Variants in ANKRD36 observed in about 807,000 individuals in gnomAD.
ANKRD36 encodes the protein ankyrin repeat domain 36.
ANKRD36 carries 179 observed loss-of-function variants against 278.1 expected under a neutral mutation model. That is an observed-to-expected ratio of 0.64 (90% CI 0.57 to 0.73). The LOEUF (loss-of-function observed/expected upper bound fraction) is 0.73, where lower values mean the gene tolerates loss of function less well. ANKRD36 is among the 30% of genes least tolerant of loss of function. The probability of loss-of-function intolerance (pLI) is 0.00; values close to 1 mark genes in which losing one functional copy is unlikely to be tolerated. For synonymous variants in ANKRD36, 320 were observed against 641.1 expected (o/e 0.50, Z 7.57); for missense variants, 1,159 against 1,956.7 (o/e 0.59, Z 7.69).
At chr2:97,206,322 A>C (rs540536782) in intron 52 of ANKRD36, among the ~76,000 whole-genome samples, 187 bp downstream of exon 52, 1 of 151,572 alleles carries the variant, frequency 6.6e-6, no homozygotes, top group East Asian at 2.0e-4. Context: ...CTTCGCTGTA[A>C]GATTATACAC....
intron 67 of ANKRD36, among the ~76,000 whole-genome samples, chr2:97,228,635 C>T (rs566727514): frequency 1.0e-3 from 152 of 151,668 alleles, no homozygotes; most frequent in African/African-American, 3.5e-3. Context: ...TCTCTATTTC[C>T]TTCAGTTCTG....
At chr2:97,200,201 C>T (rs1261956208) in intron 44 of ANKRD36, 133 bp from the exon 45 acceptor site, 18 of 1,547,226 alleles carry the variant, frequency 1.2e-5, no homozygotes, top group Non-Finnish European at 1.6e-5. Flanking sequence ...GATCCCCAGA[C>T]ACAAAGTAGA....
chr2:97,116,798 A>G (rs999570212), intron 1 of ANKRD36, among the ~76,000 whole-genome samples: 2 of 152,122 alleles, frequency 1.3e-5, no homozygotes, highest in African/African-American at 2.4e-5. Flanking sequence ...ATAAGTGATT[A>G]TCACTATTCC....
intron 40 of ANKRD36, 43 bp downstream of exon 40, chr2:97,194,960 A>T (rs1314866937): frequency 2.0e-6 from 3 of 1,537,636 alleles, no homozygotes; most frequent in Non-Finnish European, 2.6e-6. Flanking sequence ...CAGTCCAGAC[A>T]AGAAGTTCTC....
intron 15 of ANKRD36, among the ~76,000 whole-genome samples, chr2:97,155,659 T>C (rs1415010274): frequency 6.8e-6 from 1 of 146,430 alleles, no homozygotes; most frequent in East Asian, 2.0e-4. Flanking sequence ...TCATGGTTTC[T>C]GCGTTGTAAT....
At chr2:97,170,199 A>G (rs200093549) in intron 22 of ANKRD36, among the ~76,000 whole-genome samples, 5 of 146,040 alleles carry the variant, frequency 3.4e-5, no homozygotes, top group Admixed American at 1.4e-4. Flanking sequence ...TTAATAAATG[A>G]TGTTGGGAAA....
chr2:97,229,118 T>A (rs2070998761), intron 67 of ANKRD36, among the ~76,000 whole-genome samples: 1 of 151,636 alleles, frequency 6.6e-6, no homozygotes, highest in African/African-American at 2.4e-5. Flanking sequence ...ATTCTGTTGA[T>A]TTGGGGTGGA....
chr2:97,201,486 G>T (rs1298607257), intron 46 of ANKRD36, among the ~76,000 whole-genome samples: 3 of 152,052 alleles, frequency 2.0e-5, no homozygotes, highest in Non-Finnish European at 2.9e-5. Context: ...GTGGAAATAT[G>T]TCAAAATTGA....
At position 97,128,597 on chromosome 2, in the gene ANKRD36, T is replaced by C. The variant is rs559089554; in HGVS notation, c.799+1463T>C. 6.6e-5 allele frequency among the ~76,000 whole-genome samples: 10 copies of C among 152,164 alleles called. No individual in the cohort carries two copies. The East Asian group carries it at 1.4e-3, about 21-fold the overall frequency. ...GGGGAACAAATCTACCAAGATCCTG[T>C]GTAACCCTTTTGTAACTGCAGAAGC... On this transcript the variant is annotated intron_variant, in intron 6 of 75. Transcript: ENST00000420699.
Position 97,124,589 on chromosome 2 carries a change from G to A in ANKRD36, c.723G>A (p.Lys241=), listed in dbSNP as rs4502463. 1 of 1,551,292 alleles carries A rather than the reference G, an allele frequency of 6.4e-7. No individual in the cohort carries two copies. Among genetic ancestry groups the A allele is most frequent in the South Asian group, 1.2e-5 (1 of 83,840 alleles). ...KIAGDYAIEA[K]NRVIFDLIYE... is the part of the protein sequence containing the mutation. ...CAGGAGATTATGCCATTGAGGCTAA[G>A]AATAGAGTGTAAGTCTTTACATAAA... The change falls in exon 5 of 76, where the codon AAG becomes AAA. Residue 241 remains lysine (K), a synonymous_variant. Coordinates refer to ENST00000420699, the MANE Select transcript of ANKRD36 (RefSeq NM_001354587.1).
intron 40 of ANKRD36, 118 bp downstream of exon 40, chr2:97,195,035 T>A (rs1300501309): frequency 7.2e-7 from 1 of 1,395,196 alleles, no homozygotes; most frequent in African/African-American, 1.5e-5. Flanking sequence ...GGCCTGAGAT[T>A]CTTCATTTCT....
intron 66 of ANKRD36, among the ~76,000 whole-genome samples, chr2:97,224,516 T>A (rs2068758993): frequency 1.3e-5 from 2 of 151,578 alleles, no homozygotes; most frequent in Non-Finnish European, 2.9e-5. Flanking sequence ...TGGTGAGATC[T>A]TCAGCTCACT....
intron 52 of ANKRD36, among the ~76,000 whole-genome samples, chr2:97,206,794 T>A (rs1016915976): frequency 8.6e-5 from 13 of 151,590 alleles, no homozygotes; most frequent in African/African-American, 3.1e-4. Flanking sequence ...TACTCCCCTT[T>A]GTTACTATTA....
intron 75 of ANKRD36, among the ~76,000 whole-genome samples, chr2:97,260,912 G>C (rs1404384596): frequency 1.6e-5 from 2 of 124,500 alleles, no homozygotes; most frequent in Non-Finnish European, 3.1e-5. Context: ...ACCAACCTCT[G>C]CTAGCTTTAA....
At chr2:97,188,529 C>A (rs1239745760) in intron 32 of ANKRD36, among the ~76,000 whole-genome samples, 1 of 149,308 alleles carries the variant, frequency 6.7e-6, no homozygotes, top group East Asian at 2.0e-4. Flanking sequence ...TGAATATTAT[C>A]TACTAGGTAT....
intron 64 of ANKRD36, among the ~76,000 whole-genome samples, chr2:97,218,331 T>G (rs1408839743): frequency 1.0e-4 from 15 of 143,534 alleles, no homozygotes; most frequent in Non-Finnish European, 2.1e-4. Context: ...GTAATTCCAT[T>G]TTGTATAAAT....
At chr2:97,159,719 G>T (rs2048357044) in intron 17 of ANKRD36, among the ~76,000 whole-genome samples, 1 of 149,144 alleles carries the variant, frequency 6.7e-6, no homozygotes, top group Non-Finnish European at 1.5e-5. Flanking sequence ...AAATAAATAA[G>T]TAATTAAATA....
intron 3 of ANKRD36, among the ~76,000 whole-genome samples, chr2:97,121,282 G>A (rs2443931): frequency 2.6e-4 from 40 of 152,096 alleles, no homozygotes; most frequent in African/African-American, 8.9e-4. Context: ...ATCATGGTAT[G>A]GTTGCATAGG....
chr2:97,192,220 T>C (rs956093551), intron 36 of ANKRD36, among the ~76,000 whole-genome samples: 34 of 151,742 alleles, frequency 2.2e-4, no homozygotes, highest in African/African-American at 8.0e-4. Flanking sequence ...GAAGAAACTT[T>C]AGGAAGGCTA....
Sources: gnomAD v4.1 joint callset for allele counts (sites outside exome capture counted in the v4.1 genomes callset) on GRCh38, gnomAD v4.1.1 for gene constraint, MANE v1.5 for transcripts, NCBI Gene and HGNC (gene_info 2026-07-23, HGNC 2026-07-21) for gene names.